ACSS3: variants seen among roughly 807,000 people sequenced by gnomAD.
ACSS3 encodes acyl-CoA synthetase short-chain family member 3, mitochondrial.
ACSS3 carries 64 observed loss-of-function variants against 84.2 expected under a neutral mutation model. The observed-to-expected ratio is 0.76, with a 90% confidence interval of 0.62 to 0.94. ACSS3 has a LOEUF of 0.94. ACSS3 is among the 40% of genes least tolerant of loss of function. The pLI, the probability that ACSS3 is intolerant of heterozygous loss-of-function variation, is 0.00. For synonymous variants in ACSS3, 317 were observed against 310.1 expected (o/e 1.02, Z -0.23); for missense variants, 815 against 867.6 (o/e 0.94, Z 0.76).
At chr12:81,230,116 C>A (rs553406139) in intron 11 of ACSS3, among the ~76,000 whole-genome samples, 3 of 151,866 alleles carry the variant, frequency 2.0e-5, no homozygotes, top group African/African-American at 4.8e-5. Flanking sequence ...ATGAGAACTA[C>A]GAATTTACAA....
intron 1 of ACSS3, among the ~76,000 whole-genome samples, chr12:81,108,267 T>TATTA (rs1555245688): frequency 0.012 from 1,256 of 104,842 alleles, 13 homozygotes; most frequent in Middle Eastern, 0.023. Context: ...TATTATTAAT[T>TATTA]ATTATTATTA....
At chr12:81,246,922 C>A (rs1476065534) in intron 13 of ACSS3, among the ~76,000 whole-genome samples, 1 of 151,860 alleles carries the variant, frequency 6.6e-6, no homozygotes, top group East Asian at 1.9e-4. Flanking sequence ...GCTTATGTAC[C>A]CCCGAATCTA....
At chr12:81,226,877 T>G (rs1436461483) in intron 11 of ACSS3, among the ~76,000 whole-genome samples, 1 of 151,884 alleles carries the variant, frequency 6.6e-6, no homozygotes, top group Admixed American at 6.6e-5. Flanking sequence ...TTACATCTTT[T>G]GTTTTTAAAA....
intron 1 of ACSS3, among the ~76,000 whole-genome samples, chr12:81,101,990 G>A (rs1882545592): frequency 6.6e-6 from 1 of 151,102 alleles, no homozygotes; most frequent in Non-Finnish European, 1.5e-5. Flanking sequence ...TAAATATGTT[G>A]AAAATATGCT....
At chr12:81,111,200 G>A (rs1011250741) in intron 2 of ACSS3, among the ~76,000 whole-genome samples, 17 of 152,164 alleles carry the variant, frequency 1.1e-4, no homozygotes, top group African/African-American at 3.9e-4. Flanking sequence ...AAGGGAGAAA[G>A]AGCAGAAGTG....
intron 8 of ACSS3, among the ~76,000 whole-genome samples, chr12:81,183,946 C>G (rs1169826698): frequency 6.6e-6 from 1 of 151,820 alleles, no homozygotes; most frequent in Non-Finnish European, 1.5e-5. Context: ...ATTGCCCTAA[C>G]AGACATATAC....
At chr12:81,187,776 T>TA (rs1302625969) in intron 8 of ACSS3, among the ~76,000 whole-genome samples, 7 of 152,002 alleles carry the variant, frequency 4.6e-5, no homozygotes, top group African/African-American at 1.7e-4. Context: ...GTGCTTAGAA[T>TA]AAAAATTTTA....
intron 9 of ACSS3, among the ~76,000 whole-genome samples, chr12:81,216,310 G>A (rs557461759): frequency 4.7e-4 from 71 of 151,714 alleles, no homozygotes; most frequent in Admixed American, 2.0e-3. Flanking sequence ...TGGGGTTGGA[G>A]GAGGGGGGAG....
At position 81,172,259 on chromosome 12, in the gene ACSS3, C is replaced by CAA. The variant is rs775755412; in HGVS notation, c.1099-2512_1099-2511dup. On this transcript the variant is annotated intron_variant, in intron 7 of 15. Coordinates refer to ENST00000548058, the MANE Select transcript of ACSS3 (RefSeq NM_024560.4). ...CCAGCCTGAGAGTGAGGCTCTGTCT[C>CAA]AAAAAAAAAAAAAAAAAAGGCCCTG... Among the ~76,000 whole-genome samples, 178 of 56,970 alleles carry CAA rather than the reference C, an allele frequency of 3.1e-3. 1 individual carries two copies. Among genetic ancestry groups the CAA allele is most frequent in the African/African-American group, 0.012 (169 of 14,212 alleles). The allele number at this position is 56,970 out of a possible 152,430, so 37.4% of individuals were successfully genotyped here.
At position 81,139,223 on chromosome 12, in the gene ACSS3, A is replaced by T; in HGVS notation, c.738A>T (p.Gln246His). ...PLVEEALKIG[Q>H]HKPDKILIYN... is the part of the protein sequence containing the mutation. ...TAGAAGAAGCGCTAAAAATAGGACA[A>T]CACAAACCAGACAAAATTCTCATTT... Residue 246 changes from glutamine (Q) to histidine (H), a missense_variant, in exon 4 of 16, where the codon CAA becomes CAT. Transcript: ENST00000548058. 1 of 1,614,020 alleles carries T rather than the reference A, an allele frequency of 6.2e-7. No individual in the cohort carries two copies. The highest frequency in any genetic ancestry group is 1.3e-5 in the African/African-American group (1 of 75,038).
intron 8 of ACSS3, among the ~76,000 whole-genome samples, chr12:81,183,783 G>A (rs2031087764): frequency 6.6e-6 from 1 of 151,980 alleles, no homozygotes; most frequent in Non-Finnish European, 1.5e-5. Context: ...TATTGGATGA[G>A]CTAAATATAT....
intron 9 of ACSS3, among the ~76,000 whole-genome samples, chr12:81,210,285 C>A (rs972569506): frequency 6.6e-6 from 1 of 152,076 alleles, no homozygotes; most frequent in African/African-American, 2.4e-5. Flanking sequence ...GATGATATTC[C>A]TGCCTATTAG....
Position 81,258,687 on chromosome 12 carries a change from T to G in ACSS3, c.*3765T>G, listed in dbSNP as rs1277142555. The G allele has an allele frequency of 6.6e-6, 1 of 152,116 alleles. No homozygotes were observed. Among genetic ancestry groups the G allele is most frequent in the East Asian group, 1.9e-4 (1 of 5,172 alleles). 9.4% of individuals were successfully genotyped at this position (152,116 alleles called of 1,614,324 possible). A position where few individuals can be genotyped will look rare whatever the true frequency, so the allele number is the denominator to read the frequency against. ...GGCTAAAAGCTTATAACATTAGACA[T>G]GAGTCTGGCTAATGCCCTGTTACAT... On this transcript the variant is annotated 3_prime_UTR_variant, in exon 16 of 16. Transcript: ENST00000548058.
intron 13 of ACSS3, among the ~76,000 whole-genome samples, chr12:81,239,204 T>C (rs2033714877): frequency 6.6e-6 from 1 of 151,994 alleles, no homozygotes; most frequent in South Asian, 2.1e-4. Flanking sequence ...ATTCCATTAT[T>C]ACCTCAGAAC....
chr12:81,198,550 CT>C (rs2031951782), intron 8 of ACSS3, among the ~76,000 whole-genome samples: 1 of 150,756 alleles, frequency 6.6e-6, no homozygotes, highest in South Asian at 2.1e-4. Flanking sequence ...CACACACACA[CT>C]TTTTATATAT....
chr12:81,127,008 A>T (rs1746719911), intron 2 of ACSS3, among the ~76,000 whole-genome samples: 1 of 151,780 alleles, frequency 6.6e-6, no homozygotes, highest in African/African-American at 2.4e-5. Flanking sequence ...TCTTAAATAT[A>T]AAATAAGTAT....
chr12:81,151,268 C>T (rs1886597424), intron 5 of ACSS3, among the ~76,000 whole-genome samples: 1 of 152,148 alleles, frequency 6.6e-6, no homozygotes, highest in Admixed American at 6.5e-5. Flanking sequence ...TTAGATTCAA[C>T]TCACTGGAAT....
At chr12:81,248,313 T>G (rs1226778976) in intron 13 of ACSS3, among the ~76,000 whole-genome samples, 1 of 151,984 alleles carries the variant, frequency 6.6e-6, no homozygotes, top group Non-Finnish European at 1.5e-5. Context: ...TAAGCGATCA[T>G]CAACAGATGA....
intron 8 of ACSS3, among the ~76,000 whole-genome samples, chr12:81,197,253 A>G (rs1362741820): frequency 6.6e-6 from 1 of 152,208 alleles, no homozygotes; most frequent in Non-Finnish European, 1.5e-5. Context: ...ATACTCAGAA[A>G]TTAATTATTG....
Sources: gnomAD v4.1 joint callset for allele counts (sites outside exome capture counted in the v4.1 genomes callset) on GRCh38, gnomAD v4.1.1 for gene constraint, MANE v1.5 for transcripts, NCBI Gene and HGNC (gene_info 2026-07-23, HGNC 2026-07-21) for gene names.